VAC14: variants seen among roughly 807,000 people sequenced by gnomAD.
VAC14 encodes the protein protein VAC14 homolog.
In VAC14, 47 loss-of-function variants were observed where a neutral mutation model predicts 85.3. That is an observed-to-expected ratio of 0.55 (90% CI 0.44 to 0.70). The LOEUF is 0.70. Among genes scored for constraint, VAC14 ranks in the 30% least tolerant of loss-of-function variants. The pLI, the probability that VAC14 is intolerant of heterozygous loss-of-function variation, is 0.00. For missense variants in VAC14, 861 were observed against 1,004.3 expected, an observed-to-expected ratio of 0.86 and a Z score of 1.93; for synonymous variants, 447 against 430.5, an observed-to-expected ratio of 1.04 and a Z score of -0.47.
rs1423102371 is a variant in VAC14, at chr16:70,784,769, C to A, written c.486+7G>T. The A allele has an allele frequency of 6.2e-7, 1 of 1,613,828 alleles. No homozygotes were observed. The highest frequency in any genetic ancestry group is 1.3e-5 in the African/African-American group (1 of 75,014). ...TAGAAATAAAAGTGGGGACAAAGTA[C>A]AAATACCTTTAAAAGGCGGTCTAGG... is the stretch of plus-strand genomic sequence containing the variant. On this transcript the variant is annotated splice_region_variant and intron_variant, in intron 4 of 18. Coordinates refer to ENST00000261776, the MANE Select transcript of VAC14 (RefSeq NM_018052.5).
intron 18 of VAC14, chr16:70,691,912 T>A (rs936297): frequency 1.0e-6 from 1 of 985,172 alleles, no homozygotes; most frequent in Non-Finnish European, 1.2e-6. Context: ...GGCCCTTTGC[T>A]GGAGCAAGGC....
intron 13 of VAC14, 55 bp from the exon 14 acceptor site, chr16:70,731,682 A>ACCAC: frequency 2.6e-6 from 4 of 1,513,986 alleles, no homozygotes; most frequent in East Asian, 2.4e-5. Flanking sequence ...CCACAGGGTG[A>ACCAC]TGAGATCCAC....
At chr16:70,776,438 T>C (rs1344660255) in intron 9 of VAC14, among the ~76,000 whole-genome samples, 1 of 152,192 alleles carries the variant, frequency 6.6e-6, no homozygotes, top group Non-Finnish European at 1.5e-5. Context: ...TTAATGGCCC[T>C]GTCATGGACT....
intron 12 of VAC14, among the ~76,000 whole-genome samples, chr16:70,759,735 C>T (rs2032164961): frequency 6.6e-6 from 1 of 152,190 alleles, no homozygotes; most frequent in African/African-American, 2.4e-5. Flanking sequence ...ACAAAACCTT[C>T]CCCTGGTGAA....
At chr16:70,718,998 A>G (rs2054227003) in intron 14 of VAC14, among the ~76,000 whole-genome samples, 1 of 152,210 alleles carries the variant, frequency 6.6e-6, no homozygotes, top group South Asian at 2.1e-4. Flanking sequence ...GGTTCCTACC[A>G]CATGCCACCC....
chr16:70,763,053 G>C, intron 10 of VAC14, 28 bp from the exon 11 acceptor site: 1 of 1,613,898 alleles, frequency 6.2e-7, no homozygotes, highest in South Asian at 1.1e-5. Flanking sequence ...AGGGAGAGCA[G>C]AGGTGAAGCC....
intron 9 of VAC14, chr16:70,772,820 G>A (rs1362324622): frequency 6.6e-6 from 1 of 152,180 alleles, no homozygotes; most frequent in Non-Finnish European, 1.5e-5. Context: ...AAAAGCAGAA[G>A]CAACCCAAAT....
chr16:70,688,484 G>C (rs1338831959), intron 18 of VAC14: 1 of 991,362 alleles, frequency 1.0e-6, no homozygotes, highest in African/African-American at 1.7e-5. Context: ...GGAGGTGGCA[G>C]CTTGGCCCTT....
intron 14 of VAC14, chr16:70,716,377 T>C (rs2054166849): frequency 6.6e-6 from 1 of 152,256 alleles, no homozygotes; most frequent in Admixed American, 6.5e-5. Context: ...GCCAGGGAGC[T>C]CTCTCCTTAT....
chr16:70,776,358 C>A (rs1255810915), intron 9 of VAC14, among the ~76,000 whole-genome samples: 2 of 152,192 alleles, frequency 1.3e-5, no homozygotes, highest in African/African-American at 4.8e-5. Context: ...AATCCTCCCG[C>A]CTCAGCCTCC....
chr16:70,691,782 C>A, intron 18 of VAC14: 1 of 985,384 alleles, frequency 1.0e-6, no homozygotes, highest in Non-Finnish European at 1.2e-6. Flanking sequence ...CTCAGCCATC[C>A]GAGGGCCAGT....
chr16:70,702,657 A>T (rs1029688895), intron 14 of VAC14, among the ~76,000 whole-genome samples: 42 of 152,240 alleles, frequency 2.8e-4, no homozygotes, highest in Admixed American at 2.0e-3. Flanking sequence ...CAAAGCCTCA[A>T]GAAGACAGTA....
intron 18 of VAC14, chr16:70,691,730 C>T: frequency 1.0e-6 from 1 of 985,458 alleles, no homozygotes; most frequent in East Asian, 1.1e-4. Context: ...GGTTCAGCCT[C>T]TCCAGCTGGC....
chr16:70,690,860 A>G (rs2053583386), intron 18 of VAC14: 1 of 985,476 alleles, frequency 1.0e-6, no homozygotes. Context: ...AGGTCGTTGC[A>G]AAGTAAGGCT....
At chr16:70,761,158 G>A (rs1429102553) in intron 12 of VAC14, 1 of 455,644 alleles carries the variant, frequency 2.2e-6, no homozygotes, top group Admixed American at 2.4e-5. Context: ...TTCAGCCCAG[G>A]TTCGGGAAAG....
intron 1 of VAC14, among the ~76,000 whole-genome samples, chr16:70,787,075 G>C (rs1231405216): frequency 1.3e-5 from 2 of 152,198 alleles, no homozygotes; most frequent in African/African-American, 4.8e-5. Context: ...AGTGGCTAGA[G>C]ACAGGTAAAG....
intron 13 of VAC14, among the ~76,000 whole-genome samples, chr16:70,737,265 G>A (rs771427133): frequency 8.5e-5 from 13 of 152,216 alleles, no homozygotes; most frequent in Non-Finnish European, 1.5e-4. Flanking sequence ...GAGCCGGGAC[G>A]GGGCAGCTCA....
chr16:70,691,234 G>A (rs533605205), intron 18 of VAC14: 4 of 985,436 alleles, frequency 4.1e-6, no homozygotes, highest in East Asian at 1.1e-4. Flanking sequence ...ATCAGCACTC[G>A]GAGACCCGGG....
At chr16:70,797,564 A>AT (rs1403116382) in intron 1 of VAC14, among the ~76,000 whole-genome samples, 6 of 152,184 alleles carry the variant, frequency 3.9e-5, no homozygotes, top group Non-Finnish European at 7.3e-5. Context: ...TTCTCTCTCT[A>AT]TGTATACAGT....
Sources: gnomAD v4.1 joint callset for allele counts (sites outside exome capture counted in the v4.1 genomes callset) on GRCh38, gnomAD v4.1.1 for gene constraint, MANE v1.5 for transcripts, NCBI Gene and HGNC (gene_info 2026-07-23, HGNC 2026-07-21) for gene names.